GABRG2: variants seen among roughly 807,000 people sequenced by gnomAD.
GABRG2 encodes gamma-aminobutyric acid receptor subunit gamma-2.
A neutral mutation model predicts 56.4 loss-of-function variants in GABRG2; 16 were observed. The ratio of observed to expected loss-of-function variants is 0.28; its 90% confidence interval spans 0.19 to 0.43. The LOEUF (loss-of-function observed/expected upper bound fraction) is 0.43. GABRG2 is among the 20% of genes least tolerant of loss of function. The pLI, the probability that GABRG2 is intolerant of heterozygous loss-of-function variation, is 1.00. For missense variants in GABRG2, 327 were observed against 582.7 expected, an observed-to-expected ratio of 0.56 and a Z score of 4.52; for synonymous variants, 208 against 205.5, an observed-to-expected ratio of 1.01 and a Z score of -0.10.
chr5:162,148,647 G>A (rs211015), intron 7 of GABRG2, among the ~76,000 whole-genome samples: 66,950 of 151,912 alleles, frequency 0.44, 15,532 homozygotes, highest in African/African-American at 0.6. Context: ...AACAGACAAG[G>A]TTTCTCTTTC....
At chr5:162,071,753 T>A (rs1286477014) in intron 1 of GABRG2, among the ~76,000 whole-genome samples, 1 of 151,930 alleles carries the variant, frequency 6.6e-6, no homozygotes, top group African/African-American at 2.4e-5. Context: ...AAATGCCCCA[T>A]CTGGTATCCA....
At chr5:162,071,258 C>T (rs980188442) in intron 1 of GABRG2, among the ~76,000 whole-genome samples, 15 of 150,784 alleles carry the variant, frequency 9.9e-5, no homozygotes, top group Non-Finnish European at 2.2e-4. Flanking sequence ...TTTATTCCAT[C>T]TCAGAGTAAA....
intron 6 of GABRG2, among the ~76,000 whole-genome samples, chr5:162,116,982 A>C (rs1178170121): frequency 6.6e-6 from 1 of 152,156 alleles, no homozygotes; most frequent in East Asian, 1.9e-4. Context: ...AAGAGAAAGG[A>C]ATACCATACT....
intron 6 of GABRG2, among the ~76,000 whole-genome samples, chr5:162,105,536 T>A (rs1008349844): frequency 2.0e-5 from 3 of 150,632 alleles, no homozygotes; most frequent in African/African-American, 7.3e-5. Context: ...TTCATGCCAT[T>A]CTCCTGCCTC....
chr5:162,147,912 T>A (rs1765084073), intron 7 of GABRG2, among the ~76,000 whole-genome samples: 2 of 152,176 alleles, frequency 1.3e-5, no homozygotes, highest in Non-Finnish European at 2.9e-5. Context: ...AATCGTAGAA[T>A]GGTAAGATAG....
intron 1 of GABRG2, among the ~76,000 whole-genome samples, chr5:162,091,232 T>C (rs1370088491): frequency 6.6e-6 from 1 of 152,000 alleles, no homozygotes; most frequent in Non-Finnish European, 1.5e-5. Context: ...TTTTGTTACA[T>C]GTTTGAAGCT....
chr5:162,143,778 G>A (rs1213328867), intron 7 of GABRG2, among the ~76,000 whole-genome samples: 1 of 152,078 alleles, frequency 6.6e-6, no homozygotes, highest in African/African-American at 2.4e-5. Context: ...GTTCTACTAG[G>A]GTTAAAGTAT....
intron 6 of GABRG2, among the ~76,000 whole-genome samples, chr5:162,106,837 A>C (rs1464784724): frequency 7.9e-5 from 12 of 151,088 alleles, no homozygotes; most frequent in African/African-American, 2.9e-4. Flanking sequence ...TGAATGCGTA[A>C]TGAATTTTAT....
chr5:162,071,675 C>A (rs1206327468), intron 1 of GABRG2, among the ~76,000 whole-genome samples: 1 of 151,708 alleles, frequency 6.6e-6, no homozygotes, highest in Non-Finnish European at 1.5e-5. Context: ...TATTTTGATT[C>A]TTCAATATAC....
At chr5:162,118,518 T>C (rs1450603164) in intron 6 of GABRG2, among the ~76,000 whole-genome samples, 2 of 152,108 alleles carry the variant, frequency 1.3e-5, no homozygotes, top group Non-Finnish European at 2.9e-5. Flanking sequence ...ATAGCAAAAC[T>C]AGGCTAGAAG....
intron 1 of GABRG2, among the ~76,000 whole-genome samples, chr5:162,077,308 CATA>C (rs1410252139): frequency 6.6e-6 from 1 of 152,120 alleles, no homozygotes; most frequent in Non-Finnish European, 1.5e-5. Context: ...TTTTGCTCAA[CATA>C]ATATTTCTGA....
intron 1 of GABRG2, among the ~76,000 whole-genome samples, chr5:162,077,736 G>A (rs1759251094): frequency 6.6e-6 from 1 of 152,164 alleles, no homozygotes; most frequent in African/African-American, 2.4e-5. Flanking sequence ...CTTGGTAATT[G>A]CAGTTTAGGA....
intron 4 of GABRG2, 73 bp downstream of exon 4, chr5:162,097,931 T>C: frequency 7.9e-7 from 1 of 1,270,430 alleles, no homozygotes. Context: ...ACCTTAAGTC[T>C]CTAAAAGAAA....
chr5:162,107,343 T>C (rs1349929582), intron 6 of GABRG2, among the ~76,000 whole-genome samples: 2 of 152,324 alleles, frequency 1.3e-5, no homozygotes, highest in African/African-American at 4.8e-5. Context: ...GTGAATACTC[T>C]TACACTTTAA....
intron 6 of GABRG2, among the ~76,000 whole-genome samples, chr5:162,124,957 GATGTGT>G (rs1407482969): frequency 8.3e-6 from 1 of 120,446 alleles, no homozygotes; most frequent in Middle Eastern, 3.8e-3. Flanking sequence ...GGTATAAAGA[GATGTGT>G]GTGTGTGTGT....
At chr5:162,075,537 G>A (rs1005016018) in intron 1 of GABRG2, among the ~76,000 whole-genome samples, 2 of 151,838 alleles carry the variant, frequency 1.3e-5, no homozygotes, top group Non-Finnish European at 2.9e-5. Flanking sequence ...ATCTCTCTCA[G>A]CTAGAAGCCA....
chr5:162,113,281 T>C (rs1762385185), intron 6 of GABRG2, among the ~76,000 whole-genome samples: 1 of 152,086 alleles, frequency 6.6e-6, no homozygotes, highest in Admixed American at 6.6e-5. Context: ...GTTCAAGAAA[T>C]TCACAGTGCT....
intron 6 of GABRG2, among the ~76,000 whole-genome samples, chr5:162,109,410 A>ATATTTATATAT (rs1554098569): frequency 7.2e-6 from 1 of 138,954 alleles, no homozygotes; most frequent in African/African-American, 2.8e-5. Flanking sequence ...ATATATATAT[A>ATATTTATATAT]TATATATATA....
chr5:162,130,413 A>G (rs1296548522), intron 6 of GABRG2, among the ~76,000 whole-genome samples: 1 of 151,844 alleles, frequency 6.6e-6, no homozygotes, highest in Non-Finnish European at 1.5e-5. Context: ...AAGCCATTTT[A>G]GAAGGCTTGG....
Sources: allele counts gnomAD v4.1 joint callset (sites outside exome capture counted in the v4.1 genomes callset), GRCh38; gene constraint gnomAD v4.1.1; transcripts MANE v1.5; gene names NCBI Gene and HGNC (gene_info 2026-07-23, HGNC 2026-07-21).